NFIB: variants seen among roughly 807,000 people sequenced by gnomAD.
NFIB encodes nuclear factor 1 B-type.
NFIB carries 11 observed loss-of-function variants against 61.5 expected under a neutral mutation model. The observed-to-expected ratio is 0.18, with a 90% CI of 0.11 to 0.30. NFIB has a LOEUF of 0.30. Among genes scored for constraint, NFIB ranks in the 10% least tolerant of loss-of-function variants. The probability of loss-of-function intolerance (pLI) is 1.00; values close to 1 mark genes in which losing one functional copy is unlikely to be tolerated. For synonymous variants in NFIB, 260 were observed against 216.5 expected (o/e 1.20, Z -1.76); for missense variants, 471 against 608.9 (o/e 0.77, Z 2.38).
chr9:14,136,264 T>C (rs1273562196), intron 6 of NFIB, among the ~76,000 whole-genome samples: 1 of 152,212 alleles, frequency 6.6e-6, no homozygotes, highest in Non-Finnish European at 1.5e-5. Flanking sequence ...GTAATGTGTG[T>C]AAACCTAATT....
intron 2 of NFIB, among the ~76,000 whole-genome samples, chr9:14,216,779 T>C (rs1354894695): frequency 6.6e-6 from 1 of 152,178 alleles, no homozygotes; most frequent in African/African-American, 2.4e-5. Context: ...TTTGCCAAAA[T>C]TGCTTTCAGC....
intron 1 of NFIB, among the ~76,000 whole-genome samples, chr9:14,371,389 G>C (rs2061357195): frequency 6.6e-6 from 1 of 152,218 alleles, no homozygotes; most frequent in East Asian, 1.9e-4. Flanking sequence ...AGCGTTTTCA[G>C]TGGTATTATA....
intron 1 of NFIB, among the ~76,000 whole-genome samples, chr9:14,312,897 G>A (rs1302706043): frequency 1.3e-5 from 2 of 152,136 alleles, no homozygotes; most frequent in Admixed American, 1.3e-4. Flanking sequence ...CCAAAGTGCA[G>A]CAGGTCACTA....
At chr9:14,424,386 ATTGG>A in the NFIB span, among the ~76,000 whole-genome samples, 1 of 152,210 alleles carries the variant, frequency 6.6e-6, no homozygotes, top group Non-Finnish European at 1.5e-5. Flanking sequence ...GAAATAGCAT[ATTGG>A]AATTCACAGA....
intron 3 of NFIB, among the ~76,000 whole-genome samples, chr9:14,156,302 T>C (rs2043397397): frequency 6.6e-6 from 1 of 152,134 alleles, no homozygotes; most frequent in Non-Finnish European, 1.5e-5. Flanking sequence ...ATGTCAAAGA[T>C]CTCTTAAAGC....
At chr9:14,221,358 G>A (rs1333633111) in intron 2 of NFIB, among the ~76,000 whole-genome samples, 1 of 152,106 alleles carries the variant, frequency 6.6e-6, no homozygotes, top group African/African-American at 2.4e-5. Context: ...AACTCTATAA[G>A]GTATAAATAG....
At chr9:14,241,761 A>G in intron 2 of NFIB, among the ~76,000 whole-genome samples, 1 of 152,138 alleles carries the variant, frequency 6.6e-6, no homozygotes, top group Non-Finnish European at 1.5e-5. Context: ...CAAAAACAGA[A>G]ATATCAGTAT....
the NFIB span, among the ~76,000 whole-genome samples, chr9:14,469,275 T>C: frequency 6.6e-6 from 1 of 152,208 alleles, no homozygotes; most frequent in East Asian, 1.9e-4. Flanking sequence ...GTTATCAACT[T>C]GAAAAGTTAC....
chr9:14,265,083 G>A (rs528693215), intron 2 of NFIB, among the ~76,000 whole-genome samples: 21 of 152,290 alleles, frequency 1.4e-4, no homozygotes, highest in East Asian at 1.4e-3. Flanking sequence ...TACTGGACCC[G>A]AATTTATTGA....
intron 10 of NFIB, among the ~76,000 whole-genome samples, chr9:14,112,353 T>C (rs560108227): frequency 6.6e-6 from 1 of 152,312 alleles, no homozygotes; most frequent in East Asian, 1.9e-4. Context: ...GGCTGTATGT[T>C]TTCACAGTTT....
chr9:14,169,999 G>A lies in NFIB; in HGVS notation c.616+9728C>T, dbSNP rs536664361. Among the ~76,000 whole-genome samples, 14 of 152,256 alleles carry A rather than the reference G, an allele frequency of 9.2e-5. 1 individual carries two copies. The highest frequency in any genetic ancestry group is 6.8e-3 in the Middle Eastern group (2 of 292). ...AGGTAGAAAAAGATTAAAACTCCTC[G>A]GGTAATTAGACACATATCTACTTAA... is the stretch of plus-strand genomic sequence containing the variant. On this transcript the variant is annotated intron_variant, in intron 3 of 10. Transcript: ENST00000380953.
chr9:14,428,119 T>C, the NFIB span, among the ~76,000 whole-genome samples: 2 of 151,660 alleles, frequency 1.3e-5, no homozygotes, highest in Non-Finnish European at 1.5e-5. Context: ...CTAATTTTTA[T>C]ATTTTTTGTA....
intron 1 of NFIB, among the ~76,000 whole-genome samples, chr9:14,328,278 C>A (rs916318505): frequency 1.3e-5 from 2 of 152,062 alleles, no homozygotes; most frequent in Non-Finnish European, 2.9e-5. Flanking sequence ...TGAGTAGCTG[C>A]CACCACAGGT....
chr9:14,443,145 T>A, the NFIB span, among the ~76,000 whole-genome samples: 5 of 151,064 alleles, frequency 3.3e-5, no homozygotes, highest in Middle Eastern at 3.4e-3. Context: ...AAGGTCAAGG[T>A]TCACAGCTAA....
chr9:14,453,973 G>C, the NFIB span, among the ~76,000 whole-genome samples: 1 of 152,018 alleles, frequency 6.6e-6, no homozygotes, highest in Admixed American at 6.6e-5. Flanking sequence ...AGCTACTCAG[G>C]AGGCTGAGGC....
intron 10 of NFIB, among the ~76,000 whole-genome samples, chr9:14,099,823 A>G (rs1030270350): frequency 1.3e-5 from 2 of 152,234 alleles, no homozygotes; most frequent in Non-Finnish European, 2.9e-5. Flanking sequence ...CTGTAATCTC[A>G]GTACTTTGGG....
chr9:14,378,020 T>G (rs1189299593), intron 1 of NFIB, among the ~76,000 whole-genome samples: 3 of 152,158 alleles, frequency 2.0e-5, no homozygotes, highest in Non-Finnish European at 4.4e-5. Flanking sequence ...ACAGATTAAC[T>G]AGCTAGGATC....
At chr9:14,137,461 A>T (rs1429810464) in intron 6 of NFIB, among the ~76,000 whole-genome samples, 1 of 152,224 alleles carries the variant, frequency 6.6e-6, no homozygotes, top group Non-Finnish European at 1.5e-5. Context: ...CATGTTAATG[A>T]CGGCTTTGGA....
chr9:14,265,369 A>G (rs1254413351), intron 2 of NFIB, among the ~76,000 whole-genome samples: 2 of 152,176 alleles, frequency 1.3e-5, no homozygotes, highest in Non-Finnish European at 1.5e-5. Flanking sequence ...AATTAAGATT[A>G]CGTGACATCA....
Sources: gnomAD v4.1 joint callset for allele counts (sites outside exome capture counted in the v4.1 genomes callset) on GRCh38, gnomAD v4.1.1 for gene constraint, MANE v1.5 for transcripts, NCBI Gene and HGNC (gene_info 2026-07-23, HGNC 2026-07-21) for gene names.